The following C1QTNF7 variants were observed in gnomAD, a reference collection of about 807,000 sequenced individuals.
C1QTNF7 encodes the protein complement C1q tumor necrosis factor-related protein 7.
A neutral mutation model predicts 19.6 loss-of-function variants in C1QTNF7; 15 were observed. The observed-to-expected ratio is 0.76, with a 90% CI of 0.51 to 1.18. The LOEUF (loss-of-function observed/expected upper bound fraction) is 1.18. Ranked by LOEUF, C1QTNF7 falls within the 50% of genes most tolerant of loss-of-function variation. The pLI is 0.00. For synonymous variants in C1QTNF7, 142 were observed against 137.5 expected (o/e 1.03, Z -0.23); for missense variants, 324 against 359.7 (o/e 0.90, Z 0.80).
At chr4:15,402,740 A>G (rs927955582) in intron 1 of C1QTNF7, among the ~76,000 whole-genome samples, 1 of 152,224 alleles carries the variant, frequency 6.6e-6, no homozygotes, top group Admixed American at 6.5e-5. Flanking sequence ...CCTTAGAAAT[A>G]TCTGAAGTTC....
chr4:15,345,556 A>G (rs1716687174), intron 1 of C1QTNF7, among the ~76,000 whole-genome samples: 1 of 152,212 alleles, frequency 6.6e-6, no homozygotes, highest in African/African-American at 2.4e-5. Flanking sequence ...TTTTCAATAA[A>G]ACTCTTCCTG....
At chr4:15,345,502 A>G (rs28472760) in intron 1 of C1QTNF7, among the ~76,000 whole-genome samples, 1,943 of 152,272 alleles carry the variant, frequency 0.013, 33 homozygotes, top group African/African-American at 0.045. Context: ...TCTCCCCAGC[A>G]TATACTCTTG....
rs185883734 is a variant in C1QTNF7, at chr4:15,395,049, C to A, written c.14-40687C>A. Reference sequence around the variant, plus strand: ...ATATTTCCCAAGAGGAGGGGGCACACCATGCCACACAGGGCCACATGGGAA... The same window carrying A: ...ATATTTCCCAAGAGGAGGGGGCACAACATGCCACACAGGGCCACATGGGAA... On this transcript the variant is annotated intron_variant, in intron 1 of 2. Transcript: ENST00000295297. Among the ~76,000 whole-genome samples, 5 of 152,266 alleles carry A rather than the reference C, an allele frequency of 3.3e-5. No homozygotes were observed. In the East Asian group the frequency reaches 9.6e-4, roughly 29 times the overall value.
At chr4:15,355,472 G>A (rs754161445) in intron 1 of C1QTNF7, among the ~76,000 whole-genome samples, 6 of 152,148 alleles carry the variant, frequency 3.9e-5, no homozygotes, top group Non-Finnish European at 4.4e-5. Flanking sequence ...GACTAGCAAT[G>A]TGCAAGTTGT....
intron 1 of C1QTNF7, among the ~76,000 whole-genome samples, chr4:15,396,423 C>A (rs1412388358): frequency 6.6e-6 from 1 of 152,160 alleles, no homozygotes; most frequent in Non-Finnish European, 1.5e-5. Context: ...CGAAGTAGTA[C>A]AATTGTGCAC....
At chr4:15,364,370 A>G (rs933279310) in intron 1 of C1QTNF7, among the ~76,000 whole-genome samples, 1 of 152,190 alleles carries the variant, frequency 6.6e-6, no homozygotes, top group African/African-American at 2.4e-5. Context: ...CAAGTTTCAC[A>G]GCTCTAATGA....
intron 1 of C1QTNF7, among the ~76,000 whole-genome samples, 154 bp downstream of exon 1, chr4:15,428,260 G>A (rs2108932064): frequency 6.6e-6 from 1 of 152,288 alleles, no homozygotes; most frequent in African/African-American, 2.4e-5. Context: ...ACTGACACTA[G>A]CTTTCTAACC....
chr4:15,361,153 C>G (rs1049151414), intron 1 of C1QTNF7: 3 of 152,156 alleles, frequency 2.0e-5, no homozygotes, highest in Non-Finnish European at 4.4e-5. Flanking sequence ...CCAGACTTCA[C>G]AAAGCTTACC....
At chr4:15,354,785 T>A (rs1717074034) in intron 1 of C1QTNF7, among the ~76,000 whole-genome samples, 1 of 152,024 alleles carries the variant, frequency 6.6e-6, no homozygotes, top group Non-Finnish European at 1.5e-5. Context: ...AAAGTAAGAT[T>A]TTTTTTCCTA....
intron 2 of C1QTNF7, among the ~76,000 whole-genome samples, chr4:15,438,306 G>T (rs71601477): frequency 2.0e-5 from 3 of 151,942 alleles, no homozygotes; most frequent in Non-Finnish European, 4.4e-5. Flanking sequence ...GATGAAGAGA[G>T]GTGTACCTCA....
chr4:15,416,445 G>A (rs796429579), intron 1 of C1QTNF7, among the ~76,000 whole-genome samples: 28 of 152,088 alleles, frequency 1.8e-4, no homozygotes, highest in African/African-American at 6.5e-4. Flanking sequence ...CCACTACAAA[G>A]TGCAGGCAAA....
At chr4:15,409,728 G>A (rs1399828482) in intron 1 of C1QTNF7, among the ~76,000 whole-genome samples, 2 of 152,126 alleles carry the variant, frequency 1.3e-5, no homozygotes, top group Admixed American at 6.5e-5. Flanking sequence ...CCCACCCAAT[G>A]AGACACCCTG....
At chr4:15,427,130 G>C (rs1712086542), upstream of C1QTNF7, among the ~76,000 whole-genome samples, 1 of 152,156 alleles carries the variant, frequency 6.6e-6, no homozygotes, top group Admixed American at 6.5e-5. Flanking sequence ...TCAGAACGGG[G>C]AGCCCAGCAA....
chr4:15,388,200 G>C (rs1718412111), intron 1 of C1QTNF7, among the ~76,000 whole-genome samples: 1 of 152,200 alleles, frequency 6.6e-6, no homozygotes, highest in African/African-American at 2.4e-5. Context: ...TAAAGATAGA[G>C]AAGAAGATAT....
chr4:15,378,652 T>G (rs1381009167), intron 1 of C1QTNF7, among the ~76,000 whole-genome samples: 1 of 152,172 alleles, frequency 6.6e-6, no homozygotes, highest in African/African-American at 2.4e-5. Context: ...TTTTTAGGAA[T>G]TAATTGTGAG....
intron 1 of C1QTNF7, among the ~76,000 whole-genome samples, chr4:15,355,782 T>C (rs1215429502): frequency 6.6e-6 from 1 of 152,106 alleles, no homozygotes; most frequent in African/African-American, 2.4e-5. Flanking sequence ...GGTAGAAAGT[T>C]GGAGCAGCAG....
At chr4:15,402,885 T>C (rs1467376655) in intron 1 of C1QTNF7, among the ~76,000 whole-genome samples, 1 of 152,192 alleles carries the variant, frequency 6.6e-6, no homozygotes, top group Non-Finnish European at 1.5e-5. Flanking sequence ...GCAAGGCTTC[T>C]GGCTAAACCT....
intron 1 of C1QTNF7, among the ~76,000 whole-genome samples, chr4:15,404,258 G>A (rs1285884521): frequency 6.6e-6 from 1 of 152,198 alleles, no homozygotes; most frequent in Non-Finnish European, 1.5e-5. Flanking sequence ...AGCAGCGAGT[G>A]CTTGCTAGAA....
intron 1 of C1QTNF7, among the ~76,000 whole-genome samples, chr4:15,348,772 C>T (rs929610218): frequency 2.0e-5 from 3 of 152,144 alleles, no homozygotes; most frequent in Non-Finnish European, 4.4e-5. Flanking sequence ...ATAGAAATGG[C>T]AATGTCATAT....
Sources: allele counts gnomAD v4.1 joint callset (sites outside exome capture counted in the v4.1 genomes callset), GRCh38; gene constraint gnomAD v4.1.1; transcripts MANE v1.5; gene names NCBI Gene and HGNC (gene_info 2026-07-23, HGNC 2026-07-21).